Variants in CARS1 observed in about 807,000 individuals in gnomAD.
CARS1 encodes the protein cysteinyl-tRNA synthetase 1.
A neutral mutation model predicts 106.2 loss-of-function variants in CARS1; 48 were observed. The observed-to-expected ratio is 0.45, with a 90% CI of 0.36 to 0.57. The LOEUF (loss-of-function observed/expected upper bound fraction) is 0.57, where lower values mean the gene tolerates loss of function less well. Among genes scored for constraint, CARS1 ranks in the 20% least tolerant of loss-of-function variants. The probability of loss-of-function intolerance (pLI) is 0.00; values close to 1 mark genes in which losing one functional copy is unlikely to be tolerated. For missense variants in CARS1, 968 were observed against 1,057.2 expected (o/e 0.92, Z 1.17); for synonymous variants, 409 against 403.4 (o/e 1.01, Z -0.17).
rs960250897 is a variant in CARS1, at chr11:3,046,276, G to A, written c.274+1477C>T. 1.3e-5 allele frequency among the ~76,000 whole-genome samples: 2 copies of A among 152,182 alleles called. No individual in the cohort carries two copies. The highest frequency in any genetic ancestry group is 6.5e-5 in the Admixed American group (1 of 15,286). ...CAACAAGTCCCTATGAGGGAAGCCT[G>A]GACAGGCCACTGCTGAGCTGGACGT... On this transcript the variant is annotated intron_variant, in intron 2 of 22. Transcript: ENST00000380525. The surrounding 1 kb of genome is among the most constrained non-coding windows in gnomAD (Gnocchi z 5.8).
At chr11:3,055,477 A>AGT (rs1172343863) in intron 1 of CARS1, among the ~76,000 whole-genome samples, 1 of 152,006 alleles carries the variant, frequency 6.6e-6, no homozygotes, top group Non-Finnish European at 1.5e-5. Flanking sequence ...CATCTTTGAG[A>AGT]GTGTGTGTGT....
intron 1 of CARS1, chr11:3,054,776 T>C (rs1447677173): frequency 4.5e-6 from 3 of 670,916 alleles, no homozygotes; most frequent in East Asian, 2.7e-5. Flanking sequence ...GCAAAGCATT[T>C]AGAGCAGTGC....
chr11:3,018,243 G>GT, intron 14 of CARS1, 165 bp downstream of exon 14: 1 of 620,040 alleles, frequency 1.6e-6, no homozygotes, highest in Non-Finnish European at 2.8e-6. Flanking sequence ...CATTTCAGGA[G>GT]TGGCCCCGAG....
chr11:3,039,370 T>A lies in CARS1; in HGVS notation c.553-78A>T. 1.1e-6 allele frequency: 1 copy of A among 895,776 alleles called. No homozygotes were observed. Among genetic ancestry groups the A allele is most frequent in the Non-Finnish European group, 1.9e-6 (1 of 538,040 alleles). 55.5% of individuals were successfully genotyped at this position (895,776 alleles called of 1,614,324 possible). ...CCTCTGCAGCAGGCCACTCTCTCCC[T>A]TGGCCAACTCTAAGTGAGGGTGAGG... On this transcript the variant is annotated intron_variant, in intron 5 of 22. Transcript: ENST00000380525. The surrounding 1 kb of genome is among the most constrained non-coding windows in gnomAD (Gnocchi z 5.6).
intron 18 of CARS1, among the ~76,000 whole-genome samples, chr11:3,011,804 A>G (rs1170257027): frequency 1.3e-5 from 2 of 152,218 alleles, no homozygotes; most frequent in Non-Finnish European, 2.9e-5. Context: ...CCAGGTCACC[A>G]GGAACAAAAA....
At position 3,048,024 on chromosome 11, in the gene CARS1, G is replaced by A; in HGVS notation, c.26-23C>T. On this transcript the variant is annotated intron_variant, in intron 1 of 22. Coordinates refer to ENST00000380525, the MANE Select transcript of CARS1 (RefSeq NM_001014437.3). This position sits in a 1 kb window ranked among gnomAD's most constrained non-coding sequence, Gnocchi z 5.1. The stretch of plus-strand genomic sequence containing the variant: ...GAGCTGCAAAGACAGAGGGCACATG[G>A]TGTCAGGCAGGCAGGCGGGCAGCCC... 3.1e-6 allele frequency: 5 copies of A among 1,604,250 alleles called. No homozygotes were observed. The highest frequency in any genetic ancestry group is 4.3e-6 in the Non-Finnish European group (5 of 1,172,644).
Position 3,029,750 on chromosome 11 carries a change from G to A in CARS1, c.802-307C>T. ...CTGGTGAGCATGTGCAGCCTACCTGGGCCGTGCAGGGCAGGGTTATGGGCA... is the reference window on the plus strand; with the variant it reads ...CTGGTGAGCATGTGCAGCCTACCTGAGCCGTGCAGGGCAGGGTTATGGGCA... On this transcript the variant is annotated intron_variant, in intron 7 of 22. Coordinates refer to ENST00000380525, the MANE Select transcript of CARS1 (RefSeq NM_001014437.3). This position sits in a 1 kb window ranked among gnomAD's most constrained non-coding sequence, Gnocchi z 5.9. 2.4e-6 allele frequency: 1 copy of A among 410,640 alleles called. No individual in the cohort carries two copies. The highest frequency in any genetic ancestry group is 4.4e-6 in the Non-Finnish European group (1 of 226,984). The allele number at this position is 410,640 out of a possible 1,614,324, so 25.4% of individuals were successfully genotyped here. A position where few individuals can be genotyped will look rare whatever the true frequency, so the allele number is the denominator to read the frequency against.
intron 1 of CARS1, 100 bp downstream of exon 1, chr11:3,057,243 G>A (rs1374939337): frequency 9.6e-7 from 1 of 1,044,262 alleles, no homozygotes; most frequent in Non-Finnish European, 1.4e-6. Context: ...CCATGCACCC[G>A]GGCCCCTCAG....
At chr11:3,011,593 GAC>G (rs886619479) in intron 18 of CARS1, among the ~76,000 whole-genome samples, 2 of 152,198 alleles carry the variant, frequency 1.3e-5, no homozygotes, top group Non-Finnish European at 2.9e-5. Flanking sequence ...CAGCCTGGGA[GAC>G]AGAGTGAGAC....
intron 1 of CARS1, among the ~76,000 whole-genome samples, chr11:3,051,713 G>A (rs1855711664): frequency 6.6e-6 from 1 of 152,184 alleles, no homozygotes; most frequent in Non-Finnish European, 1.5e-5. Flanking sequence ...AGAGCTGGAA[G>A]GTGAGCCTTG....
intron 7 of CARS1, chr11:3,031,574 C>T (rs944404031): frequency 6.6e-6 from 1 of 152,222 alleles, no homozygotes; most frequent in Admixed American, 6.5e-5. Flanking sequence ...TACCTAACAA[C>T]AGGTAAAAAG....
chr11:3,053,906 T>C lies in CARS1; in HGVS notation c.25+3437A>G, dbSNP rs1855930016. Among the ~76,000 whole-genome samples, 2 of 152,096 alleles carry C rather than the reference T, an allele frequency of 1.3e-5. No homozygotes were observed. The highest frequency in any genetic ancestry group is 4.1e-4 in the South Asian group (2 of 4,820). ...CACCAGGGTCCTCATCTTGTGGGTG[T>C]CCAGGCAACATCTCACCCTGCAGGT... On this transcript the variant is annotated intron_variant, in intron 1 of 22. Transcript: ENST00000380525. This position sits in a 1 kb window ranked among gnomAD's most constrained non-coding sequence, Gnocchi z 6.6.
At position 3,026,724 on chromosome 11, in the gene CARS1, G is replaced by GCTTC; in HGVS notation, c.1101_1104dup (p.Leu369GlufsTer5). Reference sequence around the variant, plus strand: ...TGATCTCCAACGGCCTCAGGCACCAGCTTCCCATAGGAGTGCTTCTCGCTA... The same window carrying GCTTC: ...TGATCTCCAACGGCCTCAGGCACCAGCTTCCTTCCCATAGGAGTGCTTCTCGCTA... On this transcript the variant is annotated frameshift_variant, in exon 10 of 23. Coordinates refer to ENST00000380525, the MANE Select transcript of CARS1 (RefSeq NM_001014437.3). LOFTEE classifies it high-confidence loss of function. The GCTTC allele has an allele frequency of 6.2e-7, 1 of 1,613,988 alleles. No individual in the cohort carries two copies. The highest frequency in any genetic ancestry group is 8.5e-7 in the Non-Finnish European group (1 of 1,179,946).
chr11:3,021,773 G>A lies in CARS1; in HGVS notation c.1154-1441C>T, dbSNP rs539433867. Among the ~76,000 whole-genome samples, 3 of 152,218 alleles carry A rather than the reference G, an allele frequency of 2.0e-5. No individual in the cohort carries two copies. The highest frequency in any genetic ancestry group is 2.1e-4 in the South Asian group (1 of 4,826). ...AAAATCCAGATCTATCCACCAACAC[G>A]GAAGGCCGCTGTCCTGGCTTCCTTC... is the stretch of plus-strand genomic sequence containing the variant. On this transcript the variant is annotated intron_variant, in intron 10 of 22. Coordinates refer to ENST00000380525, the MANE Select transcript of CARS1 (RefSeq NM_001014437.3). This position sits in a 1 kb window ranked among gnomAD's most constrained non-coding sequence, Gnocchi z 5.3.
Position 3,018,013 on chromosome 11 carries a change from T to C in CARS1, c.1630-59A>G, listed in dbSNP as rs558117332. On this transcript the variant is annotated intron_variant, in intron 14 of 22. Transcript: ENST00000380525. Reference sequence around the variant, plus strand: ...GGCAACTTTTCCATCCTGAAATATCTGTTACAACTTTCTACTGCTGTGATT... The same window carrying C: ...GGCAACTTTTCCATCCTGAAATATCCGTTACAACTTTCTACTGCTGTGATT... The C allele has an allele frequency of 5.4e-4, 588 of 1,087,168 alleles. 5 individuals are homozygous for C. Among genetic ancestry groups the C allele is most frequent in the South Asian group, 3.8e-3 (296 of 77,260 alleles). The allele number at this position is 1,087,168 out of a possible 1,614,324, so 67.3% of individuals were successfully genotyped here. A position where few individuals can be genotyped will look rare whatever the true frequency, so the allele number is the denominator to read the frequency against.
intron 18 of CARS1, chr11:3,007,209 G>C (rs1849965939): frequency 1.8e-6 from 1 of 561,758 alleles, no homozygotes; most frequent in East Asian, 3.0e-5. Flanking sequence ...GGGCTGTTCT[G>C]GGGGTGCAGG....
chr11:3,001,040 C>A lies in CARS1; in HGVS notation c.*74G>T. 6.5e-7 allele frequency: 1 copy of A among 1,530,580 alleles called. No individual in the cohort carries two copies. The highest frequency in any genetic ancestry group is 2.3e-5 in the East Asian group (1 of 44,282). 94.8% of individuals were successfully genotyped at this position (1,530,580 alleles called of 1,614,324 possible). ...AGGGTGACTGTAAACATGATAGGAGCGCTGGGACATTGTCACTGAGGCAGA... is the reference window on the plus strand; with the variant it reads ...AGGGTGACTGTAAACATGATAGGAGAGCTGGGACATTGTCACTGAGGCAGA... On this transcript the variant is annotated 3_prime_UTR_variant, in exon 23 of 23. Transcript: ENST00000380525.
rs1342520093 is a variant in CARS1 at position 3,034,289 on chromosome 11, C to T, written c.801+3761G>A. On this transcript the variant is annotated intron_variant, in intron 7 of 22. Transcript: ENST00000380525. The surrounding 1 kb of genome is among the most constrained non-coding windows in gnomAD (Gnocchi z 6.3). ...AGGCTGGAATGCAGTGGCGTGATCTCGGCTCACTGCAACCTCCGCCTCCTG... is the reference window on the plus strand; with the variant it reads ...AGGCTGGAATGCAGTGGCGTGATCTTGGCTCACTGCAACCTCCGCCTCCTG... Among the ~76,000 whole-genome samples the T allele has an allele frequency of 2.6e-5, 4 of 152,026 alleles. No homozygotes were observed. The highest frequency in any genetic ancestry group is 2.1e-4 in the South Asian group (1 of 4,820).
rs1852505502 is a variant in CARS1, at chr11:3,029,639, G to A, written c.802-196C>T. 1.7e-6 allele frequency: 1 copy of A among 584,724 alleles called. No individual in the cohort carries two copies. The highest frequency in any genetic ancestry group is 2.4e-5 in the South Asian group (1 of 42,152). 36.2% of individuals were successfully genotyped at this position (584,724 alleles called of 1,614,324 possible). On this transcript the variant is annotated intron_variant, in intron 7 of 22. Transcript: ENST00000380525. The surrounding 1 kb of genome is among the most constrained non-coding windows in gnomAD (Gnocchi z 5.9). ...GGGACAAATACAAGACTCTACAAAT[G>A]GGCAGGTCTCACATGAACTCAGAGG...
Sources: gnomAD v4.1 joint callset for allele counts (sites outside exome capture counted in the v4.1 genomes callset) on GRCh38, gnomAD v4.1.1 for gene constraint, Gnocchi (gnomAD v3.1) non-coding constraint, MANE v1.5 for transcripts, NCBI Gene and HGNC (gene_info 2026-07-23, HGNC 2026-07-21) for gene names.